PTPRD: variants seen among roughly 807,000 people sequenced by gnomAD.
PTPRD encodes the protein receptor-type tyrosine-protein phosphatase delta.
A neutral mutation model predicts 214.5 loss-of-function variants in PTPRD; 34 were observed. That is an observed-to-expected ratio of 0.16 (90% CI 0.12 to 0.21). PTPRD has a LOEUF of 0.21. Ranked by LOEUF, PTPRD falls within the 10% of genes least tolerant of loss-of-function variation. The pLI is 1.00. For synonymous variants in PTPRD, 1,128 were observed against 845.7 expected, an observed-to-expected ratio of 1.33 and a Z score of -5.79; for missense variants, 2,545 against 2,398.7, an observed-to-expected ratio of 1.06 and a Z score of -1.27.
At chr9:8,889,339 C>T (rs1399859405) in intron 11 of PTPRD, among the ~76,000 whole-genome samples, 2 of 152,110 alleles carry the variant, frequency 1.3e-5, no homozygotes, top group African/African-American at 4.8e-5. Context: ...GAATTCTCAG[C>T]TCCTAGCAAA....
At chr9:8,996,113 G>T (rs1331665) in intron 11 of PTPRD, among the ~76,000 whole-genome samples, 48,552 of 151,676 alleles carry the variant, frequency 0.32, 8,506 homozygotes, top group South Asian at 0.46. Flanking sequence ...AAACTCCAAG[G>T]TATTTACCCA....
intron 3 of PTPRD, among the ~76,000 whole-genome samples, chr9:10,195,917 T>C (rs570890102): frequency 1.3e-5 from 2 of 152,280 alleles, no homozygotes; most frequent in African/African-American, 4.8e-5. Context: ...CTATAACTTG[T>C]ATGATTCCAT....
At chr9:10,252,047 C>G (rs1459943271) in intron 3 of PTPRD, among the ~76,000 whole-genome samples, 2 of 152,116 alleles carry the variant, frequency 1.3e-5, no homozygotes, top group Admixed American at 1.3e-4. Context: ...GCCTGATTTG[C>G]TCATTCTACC....
intron 9 of PTPRD, among the ~76,000 whole-genome samples, chr9:9,272,979 T>G (rs1454105773): frequency 6.6e-6 from 1 of 151,298 alleles, no homozygotes; most frequent in African/African-American, 2.4e-5. Context: ...ATGTCAATAT[T>G]TGTTGTGAAG....
At chr9:10,314,266 A>ATTT (rs199849175) in intron 3 of PTPRD, among the ~76,000 whole-genome samples, 31,479 of 151,894 alleles carry the variant, frequency 0.21, 3,285 homozygotes, top group South Asian at 0.3. Context: ...GACAGGAGAA[A>ATTT]AAGCCTCCAA....
In PTPRD at chr9:8,882,748, G is replaced by T. The variant is rs191578766; in HGVS notation, c.-104+135949C>A. Among the ~76,000 whole-genome samples, 6 of 152,078 alleles carry T rather than the reference G, an allele frequency of 3.9e-5. No homozygotes were observed. In the East Asian group the frequency reaches 1.2e-3, roughly 29 times the overall value. ...AAAAATATAAAAATTAGCCGAGCAT[G>T]GTGGTGGGTGCCTGCAGTCTCAACT... On this transcript the variant is annotated intron_variant, in intron 11 of 45. Coordinates refer to ENST00000381196, the MANE Select transcript of PTPRD (RefSeq NM_002839.4).
intron 11 of PTPRD, among the ~76,000 whole-genome samples, chr9:8,981,414 A>G (rs950218200): frequency 6.6e-6 from 1 of 151,970 alleles, no homozygotes; most frequent in Non-Finnish European, 1.5e-5. Context: ...TTTTTTTTTA[A>G]GTAGGTATCG....
chr9:9,286,234 T>A (rs1001432746), intron 9 of PTPRD, among the ~76,000 whole-genome samples: 3 of 151,858 alleles, frequency 2.0e-5, no homozygotes, highest in Non-Finnish European at 4.4e-5. Context: ...TGCTACTGAC[T>A]TACATCATGA....
At chr9:9,411,123 G>T (rs1044816031) in intron 8 of PTPRD, among the ~76,000 whole-genome samples, 8 of 151,988 alleles carry the variant, frequency 5.3e-5, no homozygotes, top group African/African-American at 1.9e-4. Flanking sequence ...CACAAGGTGG[G>T]TTTCCATCAA....
At chr9:9,860,554 G>C (rs2062505888) in intron 5 of PTPRD, among the ~76,000 whole-genome samples, 1 of 152,128 alleles carries the variant, frequency 6.6e-6, no homozygotes. Flanking sequence ...TTCTCTGCTG[G>C]TACTACATTT....
intron 3 of PTPRD, among the ~76,000 whole-genome samples, chr9:10,045,889 TATG>T (rs1366554563): frequency 1.3e-5 from 2 of 151,770 alleles, no homozygotes; most frequent in African/African-American, 2.4e-5. Flanking sequence ...ATCACAATTG[TATG>T]ATACCTCATG....
intron 43 of PTPRD, among the ~76,000 whole-genome samples, chr9:8,332,356 T>G (rs1362532776): frequency 6.6e-6 from 1 of 152,112 alleles, no homozygotes; most frequent in Non-Finnish European, 1.5e-5. Context: ...GGAATACCAT[T>G]TCTAGCCATG....
intron 19 of PTPRD, among the ~76,000 whole-genome samples, chr9:8,521,771 TAATACA>T (rs2097896155): frequency 6.6e-6 from 1 of 152,148 alleles, no homozygotes. Context: ...TTAGACACAC[TAATACA>T]AAAGTTGATT....
At chr9:8,637,105 T>C (rs1351697940) in intron 12 of PTPRD, among the ~76,000 whole-genome samples, 1 of 152,090 alleles carries the variant, frequency 6.6e-6, no homozygotes, top group Non-Finnish European at 1.5e-5. Context: ...TCCAATAACA[T>C]CCGAAAAGCA....
At chr9:10,260,042 T>C (rs905642508) in intron 3 of PTPRD, among the ~76,000 whole-genome samples, 2 of 152,222 alleles carry the variant, frequency 1.3e-5, no homozygotes, top group African/African-American at 4.8e-5. Flanking sequence ...GGTGGTTGTA[T>C]CTGCAGGCCT....
intron 10 of PTPRD, among the ~76,000 whole-genome samples, chr9:9,155,481 T>A (rs1204909079): frequency 6.6e-6 from 1 of 152,104 alleles, no homozygotes; most frequent in Non-Finnish European, 1.5e-5. Context: ...GTGGCACATA[T>A]TGGTAACCAG....
rs34627797 is a variant in PTPRD at position 8,808,462 on chromosome 9, CTTT to C, written c.-103-74519_-103-74517del. ...CAGTAGAATTTTAAAAGCCCCCCAC[CTTT>C]TTTTTTTTTTTTTTTTTTTTGGCTT... On this transcript the variant is annotated intron_variant, in intron 11 of 45. Coordinates refer to ENST00000381196, the MANE Select transcript of PTPRD (RefSeq NM_002839.4). 6.8e-3 allele frequency among the ~76,000 whole-genome samples: 674 copies of C among 98,808 alleles called. 4 individuals carry two copies. Among genetic ancestry groups the C allele is most frequent in the African/African-American group, 0.023 (580 of 25,144 alleles). 64.8% of individuals were successfully genotyped at this position (98,808 alleles called of 152,430 possible). A position where few individuals can be genotyped will look rare whatever the true frequency, so the allele number is the denominator to read the frequency against.
Position 8,442,986 on chromosome 9 carries a change from T to A in PTPRD, c.3989-6297A>T, listed in dbSNP as rs142787875. Reference sequence around the variant, plus strand: ...GAAGACCCCGTTTCTGCAACAAAAATTTTTTTAAATGAACCGGGCATTGTG... The same window carrying A: ...GAAGACCCCGTTTCTGCAACAAAAAATTTTTTAAATGAACCGGGCATTGTG... On this transcript the variant is annotated intron_variant, in intron 34 of 45. Coordinates refer to ENST00000381196, the MANE Select transcript of PTPRD (RefSeq NM_002839.4). 8.2e-3 allele frequency among the ~76,000 whole-genome samples: 1,254 copies of A among 152,204 alleles called. 21 individuals are homozygous for A. The highest frequency in any genetic ancestry group is 0.029 in the African/African-American group (1,197 of 41,532).
rs374332685 is a variant in PTPRD at position 10,386,942 on chromosome 9, G to C, written c.-599-45925C>G. Among the ~76,000 whole-genome samples the C allele has an allele frequency of 8.6e-5, 13 of 151,922 alleles. 1 individual carries two copies. Among genetic ancestry groups the C allele is most frequent in the African/African-American group, 2.9e-4 (12 of 41,502 alleles). On this transcript the variant is annotated intron_variant, in intron 2 of 45. Transcript: ENST00000381196. ...AGGTCATTACAAGATGGAAGAGGGA[G>C]GCAGGAGAGTCAGTGTCAGAGTAAT...
Sources: gnomAD v4.1 joint callset for allele counts (sites outside exome capture counted in the v4.1 genomes callset) on GRCh38, gnomAD v4.1.1 for gene constraint, MANE v1.5 for transcripts, NCBI Gene and HGNC (gene_info 2026-07-23, HGNC 2026-07-21) for gene names.